AGBL4: variants seen among roughly 807,000 people sequenced by gnomAD.
The protein encoded by AGBL4 is AGBL carboxypeptidase 4.
A neutral mutation model predicts 66.4 loss-of-function variants in AGBL4; 58 were observed. The observed-to-expected ratio is 0.87, with a 90% CI of 0.71 to 1.09. AGBL4 has a LOEUF of 1.09. AGBL4 is among the 50% of genes least tolerant of loss of function. The pLI is 0.00. For synonymous variants in AGBL4, 234 were observed against 222.9 expected, an observed-to-expected ratio of 1.05 and a Z score of -0.44; for missense variants, 579 against 631.0, an observed-to-expected ratio of 0.92 and a Z score of 0.88.
At chr1:49,939,705 A>C (rs1037341664) in intron 1 of AGBL4, among the ~76,000 whole-genome samples, 1 of 152,220 alleles carries the variant, frequency 6.6e-6, no homozygotes, top group Non-Finnish European at 1.5e-5. Flanking sequence ...AATTAATTCA[A>C]GATGGATTAG....
intron 5 of AGBL4, among the ~76,000 whole-genome samples, chr1:48,927,375 C>G (rs1654669900): frequency 6.6e-6 from 1 of 152,114 alleles, no homozygotes; most frequent in Non-Finnish European, 1.5e-5. Context: ...TCTCATGAGA[C>G]TTATTCCCTA....
At chr1:49,236,046 T>C (rs1283715935) in intron 4 of AGBL4, among the ~76,000 whole-genome samples, 3 of 151,954 alleles carry the variant, frequency 2.0e-5, no homozygotes, top group Non-Finnish European at 4.4e-5. Context: ...GATTGATTGA[T>C]TGAGATGGAG....
intron 3 of AGBL4, among the ~76,000 whole-genome samples, chr1:49,649,803 C>A (rs897297014): frequency 6.6e-6 from 1 of 151,948 alleles, no homozygotes; most frequent in African/African-American, 2.4e-5. Flanking sequence ...ACTCTCTGGC[C>A]ACAACGGAAT....
At chr1:48,764,188 G>A (rs574669446) in intron 6 of AGBL4, among the ~76,000 whole-genome samples, 41 of 152,304 alleles carry the variant, frequency 2.7e-4, no homozygotes, top group Admixed American at 2.0e-4. Flanking sequence ...GATCACTTCC[G>A]TCAGTGTAAC....
chr1:48,977,756 A>G (rs1340911556), intron 5 of AGBL4, among the ~76,000 whole-genome samples: 2 of 152,132 alleles, frequency 1.3e-5, no homozygotes, highest in East Asian at 3.9e-4. Context: ...TTACTAACGA[A>G]AATTGGGTTG....
intron 4 of AGBL4, among the ~76,000 whole-genome samples, chr1:49,084,550 G>A (rs922529247): frequency 6.6e-6 from 1 of 152,158 alleles, no homozygotes; most frequent in Non-Finnish European, 1.5e-5. Flanking sequence ...CATGAGAACA[G>A]TATGGGAGAA....
At chr1:49,614,118 T>C (rs1160350140) in intron 3 of AGBL4, among the ~76,000 whole-genome samples, 1 of 152,072 alleles carries the variant, frequency 6.6e-6, no homozygotes, top group East Asian at 1.9e-4. Flanking sequence ...CAGATACATA[T>C]CTTGATTTTT....
chr1:48,682,087 G>A (rs149728811), intron 6 of AGBL4, among the ~76,000 whole-genome samples: 214 of 152,350 alleles, frequency 1.4e-3, no homozygotes, highest in African/African-American at 5.0e-3. Flanking sequence ...ACTTGTGTGA[G>A]CACAGAGGAG....
chr1:48,794,443 T>C (rs1182479550), intron 6 of AGBL4, among the ~76,000 whole-genome samples: 1 of 152,110 alleles, frequency 6.6e-6, no homozygotes, highest in Non-Finnish European at 1.5e-5. Context: ...AAGCAGAAGT[T>C]TTTGGAAGAA....
chr1:49,413,990 A>G (rs1466479635), intron 3 of AGBL4, among the ~76,000 whole-genome samples: 1 of 152,152 alleles, frequency 6.6e-6, no homozygotes, highest in Non-Finnish European at 1.5e-5. Flanking sequence ...AACAAAAAAA[A>G]TCAGAATCTC....
chr1:49,919,469 G>A (rs1354423127), intron 1 of AGBL4, among the ~76,000 whole-genome samples: 1 of 152,144 alleles, frequency 6.6e-6, no homozygotes, highest in Admixed American at 6.5e-5. Context: ...GCCAAATCAT[G>A]AATGAACTCC....
intron 3 of AGBL4, among the ~76,000 whole-genome samples, chr1:49,573,132 C>CTGTG (rs959516510): frequency 3.2e-5 from 4 of 126,016 alleles, no homozygotes; most frequent in South Asian, 5.3e-4. Context: ...ATATGTGTGT[C>CTGTG]TGTGTGTGTG....
chr1:49,502,279 T>G (rs1648235536), intron 3 of AGBL4, among the ~76,000 whole-genome samples: 1 of 152,122 alleles, frequency 6.6e-6, no homozygotes, highest in Non-Finnish European at 1.5e-5. Flanking sequence ...TCTCCTCAGC[T>G]TGCAGAGAGT....
intron 2 of AGBL4, among the ~76,000 whole-genome samples, chr1:49,840,845 A>T (rs1645972836): frequency 6.6e-6 from 1 of 152,228 alleles, no homozygotes; most frequent in South Asian, 2.1e-4. Context: ...TATCAAACAG[A>T]CATACCTCAA....
At chr1:49,984,182 G>A (rs983845389) in intron 1 of AGBL4, among the ~76,000 whole-genome samples, 1 of 152,194 alleles carries the variant, frequency 6.6e-6, no homozygotes, top group Admixed American at 6.5e-5. Flanking sequence ...CTGCCCTTGA[G>A]ATAAGCAATA....
chr1:49,265,187 T>C (rs986164820), intron 3 of AGBL4, among the ~76,000 whole-genome samples: 1 of 152,210 alleles, frequency 6.6e-6, no homozygotes, highest in African/African-American at 2.4e-5. Flanking sequence ...TAGTTTTTAT[T>C]ATGAATGATG....
chr1:49,587,162 C>T (rs1832401), intron 3 of AGBL4, among the ~76,000 whole-genome samples: 7,494 of 152,032 alleles, frequency 0.049, 569 homozygotes, highest in African/African-American at 0.16. Context: ...AGGAGAATTG[C>T]TTGAACCCAG....
At chr1:49,228,127 T>G (rs888759652) in intron 4 of AGBL4, among the ~76,000 whole-genome samples, 1 of 152,250 alleles carries the variant, frequency 6.6e-6, no homozygotes, top group Non-Finnish European at 1.5e-5. Flanking sequence ...GGAAATATGT[T>G]ATTAATCTTT....
At chr1:49,565,449 T>A (rs1366251778) in intron 3 of AGBL4, among the ~76,000 whole-genome samples, 1 of 152,200 alleles carries the variant, frequency 6.6e-6, no homozygotes, top group Admixed American at 6.5e-5. Context: ...TACTGGTTGT[T>A]CCCTTCCATG....
Sources: allele counts gnomAD v4.1 joint callset (sites outside exome capture counted in the v4.1 genomes callset), GRCh38; gene constraint gnomAD v4.1.1; transcripts MANE v1.5; gene names NCBI Gene and HGNC (gene_info 2026-07-23, HGNC 2026-07-21).